RB1: variants seen among roughly 807,000 people sequenced by gnomAD.
The protein encoded by RB1 is retinoblastoma-associated protein.
Under a neutral mutation model 135.4 loss-of-function variants are expected in RB1, and 18 were observed. The ratio of observed to expected loss-of-function variants is 0.13; its 90% CI spans 0.09 to 0.20. The LOEUF (loss-of-function observed/expected upper bound fraction) is 0.20, where lower values mean the gene tolerates loss of function less well. Ranked by LOEUF, RB1 falls within the 10% of genes least tolerant of loss-of-function variation. The pLI is 1.00. For synonymous variants in RB1, 365 were observed against 373.2 expected (o/e 0.98, Z 0.25); for missense variants, 868 against 1,110.0 (o/e 0.78, Z 3.10).
intron 2 of RB1, among the ~76,000 whole-genome samples, chr13:48,315,117 A>T (rs1952170358): frequency 6.6e-6 from 1 of 152,088 alleles, no homozygotes; most frequent in Admixed American, 6.5e-5. Flanking sequence ...GAACCTGTAA[A>T]TTGCTTTGGG....
At chr13:48,453,147 T>C (rs938272576) in intron 18 of RB1, 36 bp downstream of exon 18, 2 of 1,572,722 alleles carry the variant, frequency 1.3e-6, no homozygotes, top group Non-Finnish European at 8.7e-7. Flanking sequence ...CCATTCAAAC[T>C]GCAAATAGAT....
chr13:48,394,716 G>C (rs1948634642), intron 17 of RB1, among the ~76,000 whole-genome samples: 1 of 152,202 alleles, frequency 6.6e-6, no homozygotes, highest in Non-Finnish European at 1.5e-5. Flanking sequence ...TCTGGGCAGG[G>C]CATCTCTGAA....
At chr13:48,400,900 T>C (rs149935952) in intron 17 of RB1, among the ~76,000 whole-genome samples, 1 of 152,290 alleles carries the variant, frequency 6.6e-6, no homozygotes, top group East Asian at 1.9e-4. Flanking sequence ...CTGTTTATCT[T>C]GGCTTACTAT....
intron 10 of RB1, among the ~76,000 whole-genome samples, chr13:48,367,987 T>C (rs1952720585): frequency 6.6e-6 from 1 of 152,130 alleles, no homozygotes; most frequent in Non-Finnish European, 1.5e-5. Context: ...GTCTCTGTTA[T>C]TATCATGTAG....
Position 48,311,606 on chromosome 13 carries a change from TTTTC to T in RB1, c.264+4206_264+4209del, listed in dbSNP as rs573109622. On this transcript the variant is annotated intron_variant, in intron 2 of 26. Transcript: ENST00000267163. ...AGTAGATCATCCATATCCTTACTGA[TTTTC>T]TTTCTATGTGTTTTACTAATTATTG... Among the ~76,000 whole-genome samples the T allele has an allele frequency of 5.7e-3, 861 of 152,286 alleles. 5 individuals are homozygous for T. The highest frequency in any genetic ancestry group is 0.01 in the Middle Eastern group (3 of 294).
intron 17 of RB1, among the ~76,000 whole-genome samples, chr13:48,382,110 T>A (rs1308615410): frequency 6.6e-6 from 1 of 152,198 alleles, no homozygotes; most frequent in Admixed American, 6.5e-5. Flanking sequence ...CAGTCTATTA[T>A]TGTTGGACAT....
chr13:48,478,171 C>G (rs956603963), intron 26 of RB1, among the ~76,000 whole-genome samples: 2 of 152,140 alleles, frequency 1.3e-5, no homozygotes, highest in African/African-American at 4.8e-5. Flanking sequence ...GGTGTTAAAA[C>G]AATCATTCCT....
At chr13:48,328,424 C>T (rs1426962607) in intron 2 of RB1, 1 of 1,334,068 alleles carries the variant, frequency 7.5e-7, no homozygotes. Flanking sequence ...TCTTTGCAGG[C>T]TTTGTTGGAG....
At chr13:48,476,927 C>G (rs2138360050) in intron 25 of RB1, 84 bp downstream of exon 25, 14 of 1,531,366 alleles carry the variant, frequency 9.1e-6, no homozygotes, top group Non-Finnish European at 1.3e-5. Flanking sequence ...CTGGCTTATA[C>G]CAATTTCTTT....
intron 2 of RB1, chr13:48,317,555 G>A: frequency 2.3e-6 from 1 of 439,302 alleles, no homozygotes; most frequent in Non-Finnish European, 4.1e-6. Context: ...CTGCTGGGCA[G>A]CTGAATAAAA....
chr13:48,414,053 T>C (rs1948864835), intron 17 of RB1, among the ~76,000 whole-genome samples: 1 of 152,126 alleles, frequency 6.6e-6, no homozygotes, highest in African/African-American at 2.4e-5. Context: ...ATTTAAAGTA[T>C]ACTCATATTT....
At chr13:48,424,952 G>A (rs1331465465) in intron 17 of RB1, among the ~76,000 whole-genome samples, 1 of 151,984 alleles carries the variant, frequency 6.6e-6, no homozygotes, top group Admixed American at 6.6e-5. Flanking sequence ...TACTCAGAAG[G>A]CTAAGGCAGG....
At chr13:48,407,299 G>A (rs1948748946) in intron 17 of RB1, among the ~76,000 whole-genome samples, 1 of 152,158 alleles carries the variant, frequency 6.6e-6, no homozygotes, top group Admixed American at 6.6e-5. Flanking sequence ...CTTTTCCAAT[G>A]AAAGAGGTAA....
rs1483428099 is a variant in RB1 at position 48,354,404 on chromosome 13, T to C, written c.607+5381T>C. On this transcript the variant is annotated intron_variant, in intron 6 of 26. Coordinates refer to ENST00000267163, the MANE Select transcript of RB1 (RefSeq NM_000321.3). Reference sequence around the variant, plus strand: ...TGAAAGATCTCTATGATGAAAACCATAGAATACTGATGAAAGAAATTGAAG... The same window carrying C: ...TGAAAGATCTCTATGATGAAAACCACAGAATACTGATGAAAGAAATTGAAG... 3.9e-5 allele frequency among the ~76,000 whole-genome samples: 6 copies of C among 152,104 alleles called. No individual in the cohort carries two copies. The Middle Eastern group carries it at 0.014, about 345-fold the overall frequency.
chr13:48,392,660 T>C (rs1052467782), intron 17 of RB1, among the ~76,000 whole-genome samples: 1 of 152,174 alleles, frequency 6.6e-6, no homozygotes, highest in African/African-American at 2.4e-5. Context: ...TTCTTGAACA[T>C]ATGGGATATA....
intron 17 of RB1, among the ~76,000 whole-genome samples, chr13:48,450,515 G>A (rs766646380): frequency 1.4e-4 from 22 of 152,112 alleles, no homozygotes; most frequent in Non-Finnish European, 2.5e-4. Context: ...TGTTCCATTC[G>A]TCTGTGTGTC....
intron 17 of RB1, chr13:48,389,639 G>C (rs748215103): frequency 6.6e-6 from 1 of 152,080 alleles, no homozygotes; most frequent in Non-Finnish European, 1.5e-5. Context: ...AACTTGACTG[G>C]GTGGTTTGTC....
chr13:48,414,701 C>G (rs998029953), intron 17 of RB1, among the ~76,000 whole-genome samples: 5 of 152,266 alleles, frequency 3.3e-5, no homozygotes, highest in South Asian at 4.1e-4. Flanking sequence ...TTCTTTCACA[C>G]TCAGCAATTT....
At chr13:48,440,716 T>G (rs779188892) in intron 17 of RB1, among the ~76,000 whole-genome samples, 3 of 152,196 alleles carry the variant, frequency 2.0e-5, no homozygotes, top group African/African-American at 4.8e-5. Flanking sequence ...GATAAAGGGT[T>G]TTCTTTGTTA....
Sources: allele counts gnomAD v4.1 joint callset (sites outside exome capture counted in the v4.1 genomes callset), GRCh38; gene constraint gnomAD v4.1.1; transcripts MANE v1.5; gene names NCBI Gene and HGNC (gene_info 2026-07-23, HGNC 2026-07-21).